OTOF: variants seen among roughly 807,000 people sequenced by gnomAD.
The protein encoded by OTOF is fer-1-like family member 2.
A neutral mutation model predicts 236.8 loss-of-function variants in OTOF; 218 were observed. The observed-to-expected ratio is 0.92, with a 90% CI of 0.82 to 1.03. The LOEUF is 1.03. OTOF is among the 50% of genes least tolerant of loss of function. The pLI, the probability that OTOF is intolerant of heterozygous loss-of-function variation, is 0.00. For missense variants in OTOF, 2,590 were observed against 2,694.4 expected (o/e 0.96, Z 0.86); for synonymous variants, 1,041 against 1,072.5 (o/e 0.97, Z 0.57).
intron 41 of OTOF, 50 bp downstream of exon 41, chr2:26,463,433 G>T: frequency 6.9e-7 from 1 of 1,442,384 alleles, no homozygotes; most frequent in Non-Finnish European, 9.6e-7. Context: ...GTGGTGGGAA[G>T]TGGGTGGGGT....
Position 26,461,563 on chromosome 2 carries a change from C to T in OTOF, c.5533+133G>A. On this transcript the variant is annotated intron_variant, in intron 43 of 46. Transcript: ENST00000272371. This position sits in a 1 kb window ranked among gnomAD's most constrained non-coding sequence, Gnocchi z 6.2. ...CTTGGGGGCGGAACCCCGTCGGACA[C>T]CCCTGGCTCTGATGGACTGGAAGCA... The T allele has an allele frequency of 7.8e-7, 1 of 1,278,678 alleles. No homozygotes were observed. The allele number at this position is 1,278,678 out of a possible 1,614,324, so 79.2% of individuals were successfully genotyped here.
At chr2:26,547,665 G>C (rs781057038) in intron 1 of OTOF, among the ~76,000 whole-genome samples, 1 of 152,078 alleles carries the variant, frequency 6.6e-6, no homozygotes, top group Non-Finnish European at 1.5e-5. Flanking sequence ...GTGAAACCCT[G>C]TCTCTACTAA....
chr2:26,462,083 C>T lies in OTOF; in HGVS notation c.5291G>A (p.Gly1764Glu), dbSNP rs1368594198. The change falls in exon 42 of 47, where the codon GGG becomes GAG. Residue 1764 changes from glycine (G) to glutamate (E), a missense_variant and splice_region_variant. Gly to Glu is a moderately conservative substitution (Grantham distance 98). Transcript: ENST00000272371. This position sits in a 1 kb window ranked among gnomAD's most constrained non-coding sequence, Gnocchi z 4.7. ...GEKSSDIFVRGWLKGQQEDKQ... is the reference protein window; with the variant it reads ...GEKSSDIFVREWLKGQQEDKQ... ...TCCCATGCAGGGACTGCTCACCCAC[C>T]CCCTCACGAAGATGTCACTGGACTT... is the stretch of plus-strand genomic sequence containing the variant. 1 of 1,612,372 alleles carries T rather than the reference C, an allele frequency of 6.2e-7. No individual in the cohort carries two copies.
intron 5 of OTOF, among the ~76,000 whole-genome samples, chr2:26,506,029 A>G (rs1666238973): frequency 6.6e-6 from 1 of 152,204 alleles, no homozygotes; most frequent in African/African-American, 2.4e-5. Flanking sequence ...GATGGTGGGG[A>G]AAGGACCACC....
intron 5 of OTOF, among the ~76,000 whole-genome samples, chr2:26,504,757 G>A (rs1666205667): frequency 6.6e-6 from 1 of 152,312 alleles, no homozygotes; most frequent in East Asian, 1.9e-4. Flanking sequence ...GATCAGCAGA[G>A]GGTAAAGTGC....
Position 26,519,156 on chromosome 2 carries a change from G to A in OTOF, c.228-47C>T, listed in dbSNP as rs568936909. The A allele has an allele frequency of 2.6e-4, 334 of 1,280,792 alleles. 2 individuals carry two copies. Among genetic ancestry groups the A allele is most frequent in the South Asian group, 2.1e-3 (170 of 80,490 alleles). The allele number at this position is 1,280,792 out of a possible 1,614,324, so 79.3% of individuals were successfully genotyped here. On this transcript the variant is annotated intron_variant, in intron 3 of 46. Transcript: ENST00000272371. ...CGGTGGTAACATGGAAGAGACCAGGGTGAGGAGCAAGACTGACATCCCAAG... is the reference window on the plus strand; with the variant it reads ...CGGTGGTAACATGGAAGAGACCAGGATGAGGAGCAAGACTGACATCCCAAG...
intron 41 of OTOF, 34 bp downstream of exon 41, chr2:26,463,449 G>T: frequency 6.6e-7 from 1 of 1,524,472 alleles, no homozygotes; most frequent in Non-Finnish European, 9.0e-7. Context: ...GGGGTGGGCC[G>T]GAAGGGAGTA....
intron 31 of OTOF, 85 bp downstream of exon 31, chr2:26,471,036 C>G (rs1664951194): frequency 6.5e-7 from 1 of 1,537,970 alleles, no homozygotes; most frequent in Admixed American, 1.7e-5. Context: ...CTGGCTCTGT[C>G]CCTGATGCTG....
chr2:26,555,545 G>A (rs10167513), intron 1 of OTOF, among the ~76,000 whole-genome samples: 47,023 of 152,094 alleles, frequency 0.31, 8,429 homozygotes, highest in African/African-American at 0.51. Context: ...GGGCCGACTG[G>A]CCTGAGGGCA....
intron 3 of OTOF, among the ~76,000 whole-genome samples, chr2:26,521,677 T>C (rs1269583330): frequency 6.6e-6 from 1 of 152,198 alleles, no homozygotes; most frequent in Non-Finnish European, 1.5e-5. Flanking sequence ...AATCCCCTAC[T>C]CTTCCTACCC....
chr2:26,507,093 C>A (rs943441230), intron 5 of OTOF, among the ~76,000 whole-genome samples: 1 of 152,212 alleles, frequency 6.6e-6, no homozygotes, highest in African/African-American at 2.4e-5. Context: ...ATAGTTTTAG[C>A]TGTCTGAAGT....
intron 3 of OTOF, among the ~76,000 whole-genome samples, chr2:26,525,415 C>A (rs1001440613): frequency 6.6e-6 from 1 of 152,218 alleles, no homozygotes; most frequent in Non-Finnish European, 1.5e-5. Context: ...TAAGACAGCA[C>A]ATTGGCTGGA....
intron 9 of OTOF, among the ~76,000 whole-genome samples, chr2:26,494,528 G>A (rs1024187657): frequency 2.0e-5 from 3 of 152,210 alleles, no homozygotes; most frequent in Non-Finnish European, 2.9e-5. Context: ...GAAGCATTTA[G>A]GAGCATGCCT....
intron 14 of OTOF, among the ~76,000 whole-genome samples, chr2:26,481,210 G>T (rs553260687): frequency 4.6e-5 from 7 of 152,334 alleles, no homozygotes; most frequent in African/African-American, 1.7e-4. Context: ...CCCTGCGGGG[G>T]CCTGAGCTGG....
At chr2:26,518,263 A>C (rs1047674633) in intron 4 of OTOF, among the ~76,000 whole-genome samples, 2 of 152,258 alleles carry the variant, frequency 1.3e-5, no homozygotes, top group African/African-American at 4.8e-5. Flanking sequence ...ATCTGTGCTA[A>C]GTACTTTCTG....
At position 26,515,151 on chromosome 2, in the gene OTOF, C is replaced by T. The variant is rs187720795; in HGVS notation, c.509+1267G>A. Among the ~76,000 whole-genome samples the T allele has an allele frequency of 3.3e-5, 5 of 152,344 alleles. No individual in the cohort carries two copies. In the East Asian group the frequency reaches 9.6e-4, roughly 29 times the overall value. ...GGCAGGGGGATTTCCTTGCTATGTC[C>T]TTCTTTGCAGGTGAGGAGAGAGGGT... is the stretch of plus-strand genomic sequence containing the variant. On this transcript the variant is annotated intron_variant, in intron 5 of 46. Transcript: ENST00000272371.
At chr2:26,479,065 T>C (rs1236102109) in intron 18 of OTOF, among the ~76,000 whole-genome samples, 199 bp downstream of exon 18, 1 of 152,234 alleles carries the variant, frequency 6.6e-6, no homozygotes, top group East Asian at 1.9e-4. Flanking sequence ...CAGGATTCAC[T>C]GGAGGCTGAG....
intron 1 of OTOF, among the ~76,000 whole-genome samples, chr2:26,550,920 C>G (rs866105896): frequency 5.3e-5 from 8 of 152,286 alleles, no homozygotes; most frequent in African/African-American, 1.9e-4. Flanking sequence ...CTCCACACTC[C>G]CCTGATGCAT....
intron 5 of OTOF, among the ~76,000 whole-genome samples, chr2:26,508,201 T>C (rs1666296941): frequency 6.6e-6 from 1 of 152,202 alleles, no homozygotes; most frequent in Non-Finnish European, 1.5e-5. Context: ...TAAAGACTCC[T>C]GTCTATGAGA....
Sources: gnomAD v4.1 joint callset for allele counts (sites outside exome capture counted in the v4.1 genomes callset) on GRCh38, gnomAD v4.1.1 for gene constraint, Gnocchi (gnomAD v3.1) non-coding constraint, MANE v1.5 for transcripts, NCBI Gene and HGNC (gene_info 2026-07-23, HGNC 2026-07-21) for gene names.